Variants in CHST11 observed in about 807,000 individuals in gnomAD.
The protein encoded by CHST11 is C4S-1.
CHST11 carries 9 observed loss-of-function variants against 30.4 expected under a neutral mutation model. That is an observed-to-expected ratio of 0.30 (90% CI 0.18 to 0.52). The LOEUF is 0.52. Among genes scored for constraint, CHST11 ranks in the 20% least tolerant of loss-of-function variants. The probability of loss-of-function intolerance (pLI) is 0.97; values close to 1 mark genes in which losing one functional copy is unlikely to be tolerated. For missense variants in CHST11, 348 were observed against 460.6 expected, an observed-to-expected ratio of 0.76 and a Z score of 2.24; for synonymous variants, 152 against 187.8, an observed-to-expected ratio of 0.81 and a Z score of 1.56.
At position 104,729,131 on chromosome 12, in the gene CHST11, C is replaced by T. The variant is rs955918619; in HGVS notation, c.205-27818C>T. Among the ~76,000 whole-genome samples the T allele has an allele frequency of 6.6e-6, 1 of 152,054 alleles. No individual in the cohort carries two copies. The highest frequency in any genetic ancestry group is 1.5e-5 in the Non-Finnish European group (1 of 68,028). On this transcript the variant is annotated intron_variant, in intron 2 of 2. Transcript: ENST00000303694. This position sits in a 1 kb window ranked among gnomAD's most constrained non-coding sequence, Gnocchi z 4.0. ...CAGTTGTTTTAAGGATAACAGCAAG[C>T]AGGAAACAAAAGAGACAGAAAAAAC...
rs775906018 is a variant in CHST11 at position 104,681,283 on chromosome 12, A to G, written c.205-75666A>G. On this transcript the variant is annotated intron_variant, in intron 2 of 2. Transcript: ENST00000303694. ...ATAAAAAGGAATGCAGTACTGATAC[A>G]TGCTACATGGATGAACCTCAAAAAC... Among the ~76,000 whole-genome samples, 6 of 152,368 alleles carry G rather than the reference A, an allele frequency of 3.9e-5. No individual in the cohort carries two copies. In the East Asian group the frequency reaches 1.2e-3, roughly 29 times the overall value.
intron 1 of CHST11, among the ~76,000 whole-genome samples, chr12:104,502,885 A>G (rs1384210793): frequency 1.3e-5 from 2 of 152,198 alleles, no homozygotes; most frequent in South Asian, 2.1e-4. Flanking sequence ...GCGCCCCTCA[A>G]ATCTGCACAT....
chr12:104,557,980 G>A (rs12581196), intron 1 of CHST11, among the ~76,000 whole-genome samples: 2,460 of 152,152 alleles, frequency 0.016, 123 homozygotes, highest in East Asian at 0.15. Flanking sequence ...AGAGGCCCAG[G>A]GCTGAAGCTG....
intron 1 of CHST11, among the ~76,000 whole-genome samples, chr12:104,557,427 G>T (rs575539953): frequency 3.9e-5 from 6 of 152,292 alleles, no homozygotes; most frequent in African/African-American, 1.4e-4. Flanking sequence ...GAGCTGAAGT[G>T]GAGGTGTGTA....
chr12:104,707,087 G>C (rs2040042920), intron 2 of CHST11, among the ~76,000 whole-genome samples: 1 of 152,198 alleles, frequency 6.6e-6, no homozygotes, highest in African/African-American at 2.4e-5. Context: ...TCCCAGACCA[G>C]CCCACTGCAG....
At chr12:104,605,422 A>G (rs1033852228) in intron 2 of CHST11, among the ~76,000 whole-genome samples, 1 of 152,172 alleles carries the variant, frequency 6.6e-6, no homozygotes, top group Non-Finnish European at 1.5e-5. Flanking sequence ...CACTAAAAAT[A>G]CAAAAAATTC....
chr12:104,705,010 A>AT (rs907428842), intron 2 of CHST11, among the ~76,000 whole-genome samples: 4 of 152,136 alleles, frequency 2.6e-5, no homozygotes, highest in African/African-American at 9.7e-5. Context: ...AAGCATGGAC[A>AT]TTTTTTATGA....
At chr12:104,608,214 T>A (rs1283276080) in intron 2 of CHST11, among the ~76,000 whole-genome samples, 1 of 152,096 alleles carries the variant, frequency 6.6e-6, no homozygotes, top group Non-Finnish European at 1.5e-5. Flanking sequence ...AAGCCTTTGA[T>A]TCTAAGATGA....
chr12:104,482,346 C>A (rs1030445377), intron 1 of CHST11, among the ~76,000 whole-genome samples: 3 of 88,558 alleles, frequency 3.4e-5, no homozygotes, highest in African/African-American at 1.7e-4. Flanking sequence ...AACAGGGAGC[C>A]CCCCCCCGCA....
intron 2 of CHST11, among the ~76,000 whole-genome samples, chr12:104,650,858 G>C (rs2039483770): frequency 6.6e-6 from 1 of 152,208 alleles, no homozygotes; most frequent in Non-Finnish European, 1.5e-5. Flanking sequence ...GTGTGGAGGT[G>C]GTTAAGAATG....
At chr12:104,732,253 C>T (rs2040264082) in intron 2 of CHST11, among the ~76,000 whole-genome samples, 1 of 152,186 alleles carries the variant, frequency 6.6e-6, no homozygotes, top group South Asian at 2.1e-4. Flanking sequence ...TTCTGTTCGC[C>T]TATGTGCCAT....
At chr12:104,585,659 G>A (rs1047552017) in intron 1 of CHST11, among the ~76,000 whole-genome samples, 2 of 152,242 alleles carry the variant, frequency 1.3e-5, no homozygotes, top group Non-Finnish European at 2.9e-5. Context: ...GGGAACCCAT[G>A]TGTATCAGTT....
chr12:104,732,213 C>T (rs61938653), intron 2 of CHST11, among the ~76,000 whole-genome samples: 9 of 152,324 alleles, frequency 5.9e-5, no homozygotes, highest in African/African-American at 2.2e-4. Flanking sequence ...GCTTTGCTGG[C>T]ATGGACCTGG....
At chr12:104,625,004 A>G (rs1026092623) in intron 2 of CHST11, among the ~76,000 whole-genome samples, 1 of 152,198 alleles carries the variant, frequency 6.6e-6, no homozygotes, top group Non-Finnish European at 1.5e-5. Flanking sequence ...TACCTCTTCA[A>G]AGGCCTCATC....
chr12:104,747,638 A>T (rs1253106877), intron 2 of CHST11, among the ~76,000 whole-genome samples: 1 of 152,192 alleles, frequency 6.6e-6, no homozygotes, highest in African/African-American at 2.4e-5. Context: ...ATGGCAGCAC[A>T]ACTGACATGC....
intron 1 of CHST11, among the ~76,000 whole-genome samples, chr12:104,534,361 A>G (rs755083717): frequency 9.9e-5 from 15 of 152,182 alleles, no homozygotes; most frequent in Non-Finnish European, 2.2e-4. Flanking sequence ...TTCTCTAGCA[A>G]TTCTCACGAC....
chr12:104,712,201 A>G lies in CHST11; in HGVS notation c.205-44748A>G, dbSNP rs2040093981. ...CTGTGAGGTGGGTACTGTTACTCCT[A>G]TTCCCATTTGACACCTGAGGAAACT... On this transcript the variant is annotated intron_variant, in intron 2 of 2. Coordinates refer to ENST00000303694, the MANE Select transcript of CHST11 (RefSeq NM_018413.6). 2.6e-5 allele frequency among the ~76,000 whole-genome samples: 4 copies of G among 152,212 alleles called. No individual in the cohort carries two copies. In the South Asian group the frequency reaches 8.3e-4, roughly 32 times the overall value.
chr12:104,665,447 A>C (rs2039633416), intron 2 of CHST11, among the ~76,000 whole-genome samples: 1 of 152,092 alleles, frequency 6.6e-6, no homozygotes, highest in Middle Eastern at 3.2e-3. Context: ...AGTTGAATGT[A>C]ACAGTGACAA....
At position 104,600,770 on chromosome 12, in the gene CHST11, C is replaced by A. The variant is rs1361595832; in HGVS notation, c.119-1136C>A. ...TCTAGTTTTCCTTGTTCCACTCATG[C>A]CACTGTTGCACCTCAAACCATAAGA... is the stretch of plus-strand genomic sequence containing the variant. On this transcript the variant is annotated intron_variant, in intron 1 of 2. Coordinates refer to ENST00000303694, the MANE Select transcript of CHST11 (RefSeq NM_018413.6). This position sits in a 1 kb window ranked among gnomAD's most constrained non-coding sequence, Gnocchi z 4.1. Among the ~76,000 whole-genome samples the A allele has an allele frequency of 6.6e-6, 1 of 152,144 alleles. No homozygotes were observed. Among genetic ancestry groups the A allele is most frequent in the African/African-American group, 2.4e-5 (1 of 41,430 alleles).
Sources: gnomAD v4.1 joint callset for allele counts (sites outside exome capture counted in the v4.1 genomes callset) on GRCh38, gnomAD v4.1.1 for gene constraint, Gnocchi (gnomAD v3.1) non-coding constraint, MANE v1.5 for transcripts, NCBI Gene and HGNC (gene_info 2026-07-23, HGNC 2026-07-21) for gene names.